TAS2R16: variants seen among roughly 807,000 people sequenced by gnomAD.
The protein encoded by TAS2R16 is taste receptor type 2 member 16.
In TAS2R16, 5 loss-of-function variants were observed where a neutral mutation model predicts 5.0. The ratio of observed to expected loss-of-function variants is 1.00; its 90% CI spans 0.52 to 2.11. The LOEUF (loss-of-function observed/expected upper bound fraction) is 2.11, where lower values mean the gene tolerates loss of function less well. Ranked by LOEUF, TAS2R16 falls within the 30% of genes most tolerant of loss-of-function variation. The pLI is 0.01. For missense variants in TAS2R16, 363 were observed against 341.3 expected, an observed-to-expected ratio of 1.06 and a Z score of -0.50; for synonymous variants, 142 against 123.3, an observed-to-expected ratio of 1.15 and a Z score of -1.00.
Position 122,995,434 on chromosome 7 carries a change from A to C in TAS2R16, c.201T>G (p.Asn67Lys). ...AATTCAAATTAAAATAGGAGCAAAA[A>C]TTGTTCAGCATTGATGCCCACTGTA... ...FCLQWASMLN[N>K]FCSYFNLNYV... The change falls in exon 1 of 1, where the codon AAT becomes AAG. Residue 67 changes from asparagine to lysine, a missense_variant. Asn to Lys is a moderately conservative substitution (Grantham distance 94). Coordinates refer to ENST00000249284, the MANE Select transcript of TAS2R16 (RefSeq NM_016945.3). 1 of 1,613,692 alleles carries C rather than the reference A, an allele frequency of 6.2e-7. No homozygotes were observed. The highest frequency in any genetic ancestry group is 8.5e-7 in the Non-Finnish European group (1 of 1,179,830).
In TAS2R16 at chr7:122,994,944, C is replaced by T. The variant is rs200634681; in HGVS notation, c.691G>A (p.Val231Ile). 1.4e-4 allele frequency: 223 copies of T among 1,613,508 alleles called. No homozygotes were observed. Among genetic ancestry groups the T allele is most frequent in the Admixed American group, 1.0e-3 (61 of 59,958 alleles). ...TAAGAGGTAAACACAATAAATAAGA[C>T]GGCAAGGGACCTCAGGGCAGTGAAG... ...ARFTALRSLA[V>I]LFIVFTSYFL... The change falls in exon 1 of 1, where the codon GTC becomes ATC. Residue 231 changes from valine to isoleucine, a missense_variant. Coordinates refer to ENST00000249284, the MANE Select transcript of TAS2R16 (RefSeq NM_016945.3).
rs181473902 is a variant in TAS2R16, at chr7:122,994,766, T to C, written c.869A>G (p.Lys290Arg). The C allele has an allele frequency of 6.4e-7, 1 of 1,566,724 alleles. No individual in the cohort carries two copies. The highest frequency in any genetic ancestry group is 1.9e-5 in the Admixed American group (1 of 52,054). The change falls in exon 1 of 1, where the codon AAG (lysine) becomes AGG (arginine). Residue 290 changes from lysine (K) to arginine (R), a missense_variant. Coordinates refer to ENST00000249284, the MANE Select transcript of TAS2R16 (RefSeq NM_016945.3). ...CTCAGGCAACCTCTAGGCCTAGCAC[T>C]TTCCCTTTAGAATCCTTTTCAACGT... ...SPTLKRILKG[K>R]C is the part of the protein sequence containing the mutation.
chr7:122,994,932 C>A lies in TAS2R16; in HGVS notation c.703G>T (p.Val235Leu). Reference sequence around the variant, plus strand: ...ATGGTTAGAAAGTAAGAGGTAAACACAATAAATAAGACGGCAAGGGACCTC... The same window carrying A: ...ATGGTTAGAAAGTAAGAGGTAAACAAAATAAATAAGACGGCAAGGGACCTC... ...ALRSLAVLFI[V>L]FTSYFLTILI... is the part of the protein sequence containing the mutation. The change falls in exon 1 of 1, where the codon GTG (valine) becomes TTG (leucine). Residue 235 changes from valine to leucine, a missense_variant. Physicochemically the swap from Val to Leu is conservative, Grantham distance 32. Transcript: ENST00000249284. The A allele has an allele frequency of 6.2e-7, 1 of 1,613,524 alleles. No individual in the cohort carries two copies. Among genetic ancestry groups the A allele is most frequent in the Non-Finnish European group, 8.5e-7 (1 of 1,179,720 alleles).
rs151196645 is a variant in TAS2R16, at chr7:122,995,470, A to T, written c.165T>A (p.Ser55=). Residue 55 remains serine (S), a synonymous_variant, in exon 1 of 1, where the codon TCT becomes TCA. Coordinates refer to ENST00000249284, the MANE Select transcript of TAS2R16 (RefSeq NM_016945.3). ...TTGATGCCCACTGTAGACAGAAGCG[A>T]GAGATGCCCAGGCTGATGAGAATCA... is the stretch of plus-strand genomic sequence containing the variant. ...VDMILISLGI[S]RFCLQWASML... is the part of the protein sequence containing the mutation. The T allele has an allele frequency of 6.2e-7, 1 of 1,613,710 alleles. No homozygotes were observed. The highest frequency in any genetic ancestry group is 1.3e-5 in the African/African-American group (1 of 74,926).
In TAS2R16 at chr7:122,995,074, A is replaced by G; in HGVS notation, c.561T>C (p.Ile187=). ...QFQAHTVALV[I]PFILFLASTI... The stretch of plus-strand genomic sequence containing the variant: ...TGGAGGCCAGGAACAGGATGAAAGG[A>G]ATAACCAATGCAACTGTATGAGCCT... The change falls in exon 1 of 1, where the codon ATT becomes ATC. Residue 187 remains isoleucine, a synonymous_variant. Transcript: ENST00000249284. The G allele has an allele frequency of 6.2e-7, 1 of 1,613,892 alleles. No homozygotes were observed. Among genetic ancestry groups the G allele is most frequent in the Admixed American group, 1.7e-5 (1 of 59,984 alleles).
Position 122,994,788 on chromosome 7 carries a change from A to G in TAS2R16, c.847T>C (p.Leu283=), listed in dbSNP as rs549723951. The change falls in exon 1 of 1, where the codon TTG becomes CTG. Residue 283 remains leucine (L), a synonymous_variant. Coordinates refer to ENST00000249284, the MANE Select transcript of TAS2R16 (RefSeq NM_016945.3). ...STSLMLSSPT[L]KRILKGKC ...CACTTTCCCTTTAGAATCCTTTTCA[A>G]CGTAGGGCTGCTCAGCATCAGTGAA... 1.0e-5 allele frequency: 16 copies of G among 1,591,382 alleles called. No homozygotes were observed. The highest frequency in any genetic ancestry group is 4.0e-5 in the African/African-American group (3 of 74,152).
chr7:122,995,097 C>G lies in TAS2R16; in HGVS notation c.538G>C (p.Ala180Pro), dbSNP rs763580166. ...LENFHQYQFQ[A>P]HTVALVIPFI... ...GGAATAACCAATGCAACTGTATGAG[C>G]CTGGAACTGATACTGATGAAAATTT... is the stretch of plus-strand genomic sequence containing the variant. The change falls in exon 1 of 1, where the codon GCT becomes CCT. Residue 180 changes from alanine (A) to proline (P), a missense_variant. Transcript: ENST00000249284. 35 of 1,613,686 alleles carry G rather than the reference C, an allele frequency of 2.2e-5. No homozygotes were observed. The highest frequency in any genetic ancestry group is 2.8e-5 in the Non-Finnish European group (33 of 1,179,862).
At position 122,994,965 on chromosome 7, in the gene TAS2R16, T is replaced by C; in HGVS notation, c.670A>G (p.Thr224Ala). The change falls in exon 1 of 1, where the codon ACT becomes GCT. Residue 224 changes from threonine (T) to alanine (A), a missense_variant. By Grantham distance (58) the Thr-to-Ala change is moderately conservative. Transcript: ENST00000249284. ...AAGACGGCAAGGGACCTCAGGGCAG[T>C]GAAGCGCGCTTTCATGCTTGGATTG... ...HCNPSMKARF[T>A]ALRSLAVLFI... The C allele has an allele frequency of 2.5e-6, 4 of 1,613,750 alleles. No homozygotes were observed. The East Asian group carries it at 8.9e-5, about 36-fold the overall frequency.
In TAS2R16 at chr7:122,995,440, C is replaced by T; in HGVS notation, c.195G>A (p.Leu65=). 6.2e-7 allele frequency: 1 copy of T among 1,613,694 alleles called. No homozygotes were observed. Residue 65 remains leucine (L), a synonymous_variant, in exon 1 of 1, where the codon CTG becomes CTA. Transcript: ENST00000249284. ...AATTAAAATAGGAGCAAAAATTGTT[C>T]AGCATTGATGCCCACTGTAGACAGA... The part of the protein sequence containing the change: ...SRFCLQWASM[L]NNFCSYFNLN...
Position 122,994,813 on chromosome 7 carries a change from A to C in TAS2R16, c.822T>G (p.Thr274=). 1 of 1,608,644 alleles carries C rather than the reference A, an allele frequency of 6.2e-7. No homozygotes were observed. Among genetic ancestry groups the C allele is most frequent in the South Asian group, 1.1e-5 (1 of 90,124 alleles). Residue 274 remains threonine, a synonymous_variant, in exon 1 of 1, where the codon ACT becomes ACG. Transcript: ENST00000249284. ...FVYAFILMHS[T]SLMLSSPTLK... The stretch of plus-strand genomic sequence containing the variant: ...ACGTAGGGCTGCTCAGCATCAGTGA[A>C]GTGGAATGCATTAAGATGAAAGCAT...
chr7:122,995,437 G>T lies in TAS2R16; in HGVS notation c.198C>A (p.Asn66Lys), dbSNP rs550001759. 6.2e-7 allele frequency: 1 copy of T among 1,613,728 alleles called. No individual in the cohort carries two copies. Among genetic ancestry groups the T allele is most frequent in the East Asian group, 2.2e-5 (1 of 44,810 alleles). The change falls in exon 1 of 1, where the codon AAC becomes AAA. Residue 66 changes from asparagine to lysine, a missense_variant. Asn to Lys is a moderately conservative substitution (Grantham distance 94). Transcript: ENST00000249284. ...RFCLQWASML[N>K]NFCSYFNLNY... is the part of the protein sequence containing the mutation. ...TCAAATTAAAATAGGAGCAAAAATTGTTCAGCATTGATGCCCACTGTAGAC... is the reference window on the plus strand; with the variant it reads ...TCAAATTAAAATAGGAGCAAAAATTTTTCAGCATTGATGCCCACTGTAGAC...
Position 122,995,384 on chromosome 7 carries a change from G to T in TAS2R16, c.251C>A (p.Thr84Asn). The T allele has an allele frequency of 6.2e-7, 1 of 1,613,536 alleles. No homozygotes were observed. Among genetic ancestry groups the T allele is most frequent in the Non-Finnish European group, 8.5e-7 (1 of 1,179,794 alleles). The change falls in exon 1 of 1, where the codon ACC becomes AAC. Residue 84 changes from threonine (T) to asparagine (N), a missense_variant. Thr to Asn is a moderately conservative substitution (Grantham distance 65). Transcript: ENST00000249284. Reference sequence around the variant, plus strand: ...TGTAAGGATATTAAAAAATTCCCAGGTGATTGTTAAGTTGCAAAGTACATA... The same window carrying T: ...TGTAAGGATATTAAAAAATTCCCAGTTGATTGTTAAGTTGCAAAGTACATA... ...LNYVLCNLTI[T>N]WEFFNILTFW...
In TAS2R16 at chr7:122,995,092, A is replaced by G; in HGVS notation, c.543T>C (p.His181=). Residue 181 remains histidine, a synonymous_variant, in exon 1 of 1, where the codon CAT becomes CAC. Transcript: ENST00000249284. ...ENFHQYQFQA[H]TVALVIPFIL... is the part of the protein sequence containing the mutation. The stretch of plus-strand genomic sequence containing the variant: ...TGAAAGGAATAACCAATGCAACTGT[A>G]TGAGCCTGGAACTGATACTGATGAA... The G allele has an allele frequency of 2.5e-6, 4 of 1,613,896 alleles. No individual in the cohort carries two copies. Among genetic ancestry groups the G allele is most frequent in the Non-Finnish European group, 3.4e-6 (4 of 1,179,882 alleles).
At position 122,994,842 on chromosome 7, in the gene TAS2R16, C is replaced by T. The variant is rs775239973; in HGVS notation, c.793G>A (p.Val265Ile). ...GAATGCATTAAGATGAAAGCATAGACAAAAGCTTCCCAGACCCATAACCAA... is the reference window on the plus strand; with the variant it reads ...GAATGCATTAAGATGAAAGCATAGATAAAAGCTTCCCAGACCCATAACCAA... ...RCWLWVWEAF[V>I]YAFILMHSTS... Residue 265 changes from valine (V) to isoleucine (I), a missense_variant, in exon 1 of 1, where the codon GTC becomes ATC. By Grantham distance (29) the Val-to-Ile change is conservative. Transcript: ENST00000249284. The T allele has an allele frequency of 8.1e-5, 131 of 1,613,006 alleles. No homozygotes were observed. The Admixed American group carries it at 2.1e-3, about 26-fold the overall frequency.
chr7:122,995,569 A>C lies in TAS2R16; in HGVS notation c.66T>G (p.Ile22Met). Residue 22 changes from isoleucine to methionine, a missense_variant, in exon 1 of 1, where the codon ATT becomes ATG. Transcript: ENST00000249284. ...CTGCAACAATTAGGCTGCTCTGCACAATAATTGTCAAGGACTCAAGCACAT... is the reference window on the plus strand; with the variant it reads ...CTGCAACAATTAGGCTGCTCTGCACCATAATTGTCAAGGACTCAAGCACAT... ...IIYVLESLTI[I>M]VQSSLIVAVL... is the part of the protein sequence containing the mutation. 6.2e-7 allele frequency: 1 copy of C among 1,603,544 alleles called. No homozygotes were observed. Among genetic ancestry groups the C allele is most frequent in the South Asian group, 1.1e-5 (1 of 89,100 alleles).
rs751661323 is a variant in TAS2R16 at position 122,995,648 on chromosome 7, A to T, written c.-14T>A. The T allele has an allele frequency of 6.6e-7, 1 of 1,523,800 alleles. No individual in the cohort carries two copies. 94.4% of individuals were successfully genotyped at this position (1,523,800 alleles called of 1,614,324 possible). On this transcript the variant is annotated 5_prime_UTR_variant, in exon 1 of 1. Transcript: ENST00000249284. The stretch of plus-strand genomic sequence containing the variant: ...GATGGGTATCATTCTTCTACTCCAA[A>T]GTGTCTTCCTGGACAAAGACTCTGA...
In TAS2R16 at chr7:122,995,044, G is replaced by A. The variant is rs1460574009; in HGVS notation, c.591C>T (p.Ile197=). Residue 197 remains isoleucine (I), a synonymous_variant, in exon 1 of 1, where the codon ATC becomes ATT. Transcript: ENST00000249284. ...IPFILFLAST[I]FLMASLTKQI... ...GCTTGGTCAGTGATGCCATGAGAAA[G>A]ATGGTGGAGGCCAGGAACAGGATGA... 1 of 1,613,930 alleles carries A rather than the reference G, an allele frequency of 6.2e-7. No individual in the cohort carries two copies. Among genetic ancestry groups the A allele is most frequent in the Non-Finnish European group, 8.5e-7 (1 of 1,179,916 alleles).
chr7:122,994,934 A>G lies in TAS2R16; in HGVS notation c.701T>C (p.Ile234Thr). The change falls in exon 1 of 1, where the codon ATT (isoleucine) becomes ACT (threonine). Residue 234 changes from isoleucine to threonine, a missense_variant. Transcript: ENST00000249284. ...GGTTAGAAAGTAAGAGGTAAACACA[A>G]TAAATAAGACGGCAAGGGACCTCAG... ...TALRSLAVLF[I>T]VFTSYFLTIL... is the part of the protein sequence containing the mutation. 6.2e-7 allele frequency: 1 copy of G among 1,613,694 alleles called. No homozygotes were observed. The highest frequency in any genetic ancestry group is 8.5e-7 in the Non-Finnish European group (1 of 1,179,784).
rs778179549 is a variant in TAS2R16, at chr7:122,995,481, G to A, written c.154C>T (p.Leu52=). The stretch of plus-strand genomic sequence containing the variant: ...TGTAGACAGAAGCGAGAGATGCCCA[G>A]GCTGATGAGAATCATGTCCACAGGC... ...LMPVDMILIS[L]GISRFCLQWA... The change falls in exon 1 of 1, where the codon CTG becomes TTG. Residue 52 remains leucine (L), a synonymous_variant. Transcript: ENST00000249284. 6.2e-7 allele frequency: 1 copy of A among 1,613,790 alleles called. No homozygotes were observed.
Sources: allele counts gnomAD v4.1 joint callset, GRCh38; gene constraint gnomAD v4.1.1; transcripts MANE v1.5; gene names NCBI Gene and HGNC (gene_info 2026-07-23, HGNC 2026-07-21).